AKAP19: variants seen among roughly 807,000 people sequenced by gnomAD.
The protein encoded by AKAP19 is small A-kinase anchoring protein.
At chr2:189,944,614 T>G in the AKAP19 span, among the ~76,000 whole-genome samples, 2 of 152,066 alleles carry the variant, frequency 1.3e-5, no homozygotes, top group Non-Finnish European at 2.9e-5. Context: ...CATTAATAGA[T>G]CTAAAGAGAA....
At chr2:190,172,020 TAAC>T in the AKAP19 span, among the ~76,000 whole-genome samples, 1 of 152,234 alleles carries the variant, frequency 6.6e-6, no homozygotes. Context: ...TTCCTTATCT[TAAC>T]AAATCACCCT....
At chr2:189,983,452 C>T in the AKAP19 span, among the ~76,000 whole-genome samples, 2 of 152,154 alleles carry the variant, frequency 1.3e-5, no homozygotes, top group Non-Finnish European at 2.9e-5. Context: ...GTAGAGCTGG[C>T]ATGAAAAGCA....
the AKAP19 span, chr2:190,181,114 G>A: frequency 1.0e-6 from 1 of 985,540 alleles, no homozygotes; most frequent in Admixed American, 6.1e-5. Flanking sequence ...TGTTGTGTAA[G>A]TGAACATCTG....
chr2:189,895,685 G>A, the AKAP19 span, among the ~76,000 whole-genome samples: 1 of 152,056 alleles, frequency 6.6e-6, no homozygotes, highest in Non-Finnish European at 1.5e-5. Context: ...ATATTGAGGG[G>A]ACTTGAATAT....
At chr2:189,923,211 G>A in the AKAP19 span, 33 of 917,434 alleles carry the variant, frequency 3.6e-5, no homozygotes, top group African/African-American at 3.0e-4. Context: ...TTGCGGCCGC[G>A]TTGCCGACCT....
chr2:190,028,985 A>G, the AKAP19 span, among the ~76,000 whole-genome samples: 1 of 152,158 alleles, frequency 6.6e-6, no homozygotes, highest in Admixed American at 6.5e-5. Context: ...TTCCCATAGT[A>G]CCATAGGTAG....
chr2:189,882,570 T>C, the AKAP19 span, among the ~76,000 whole-genome samples: 7 of 152,314 alleles, frequency 4.6e-5, no homozygotes, highest in South Asian at 2.1e-4. Flanking sequence ...CAGCCTTTCA[T>C]TGAATACACA....
the AKAP19 span, among the ~76,000 whole-genome samples, chr2:190,154,625 G>T: frequency 6.6e-6 from 1 of 152,150 alleles, no homozygotes. Context: ...GAGTTGCATT[G>T]TCTTAGAAGT....
chr2:190,106,748 G>A, the AKAP19 span, among the ~76,000 whole-genome samples: 2 of 151,926 alleles, frequency 1.3e-5, no homozygotes, highest in Non-Finnish European at 2.9e-5. Flanking sequence ...GCTTTTCAGT[G>A]ACTATATTAT....
chr2:190,200,708 C>A, the AKAP19 span: 1 of 169,474 alleles, frequency 5.9e-6, no homozygotes, highest in East Asian at 1.9e-4. Context: ...AGTGTAACTA[C>A]CACCTTGGAC....
At chr2:190,168,719 C>T in the AKAP19 span, among the ~76,000 whole-genome samples, 1 of 152,186 alleles carries the variant, frequency 6.6e-6, no homozygotes, top group Admixed American at 6.5e-5. Flanking sequence ...GGCAAAATGT[C>T]ACCAGTCTCT....
chr2:190,045,801 C>T, the AKAP19 span, among the ~76,000 whole-genome samples: 4 of 152,194 alleles, frequency 2.6e-5, no homozygotes, highest in African/African-American at 9.7e-5. Context: ...GGGGTCTAAA[C>T]TCCCACTTTG....
chr2:189,939,129 G>A, the AKAP19 span, among the ~76,000 whole-genome samples: 1 of 152,184 alleles, frequency 6.6e-6, no homozygotes, highest in South Asian at 2.1e-4. Context: ...ACAAAGCAGG[G>A]AGGTGGGACT....
chr2:189,996,782 G>GTGA, the AKAP19 span, among the ~76,000 whole-genome samples: 2 of 152,166 alleles, frequency 1.3e-5, no homozygotes, highest in Non-Finnish European at 2.9e-5. Context: ...GTCCCACAGG[G>GTGA]TGATCCCTTG....
chr2:189,886,158 G>A, the AKAP19 span, among the ~76,000 whole-genome samples: 1 of 152,106 alleles, frequency 6.6e-6, no homozygotes, highest in African/African-American at 2.4e-5. Context: ...ATGATGCCTT[G>A]GAGATTGGGG....
At chr2:190,067,652 T>G in the AKAP19 span, among the ~76,000 whole-genome samples, 3 of 152,188 alleles carry the variant, frequency 2.0e-5, no homozygotes, top group Non-Finnish European at 2.9e-5. Flanking sequence ...GGATTTCTTG[T>G]AGATGGTCTT....
the AKAP19 span, among the ~76,000 whole-genome samples, chr2:190,195,697 C>T: frequency 6.6e-6 from 1 of 151,936 alleles, no homozygotes; most frequent in African/African-American, 2.4e-5. Context: ...TATTTTCTCC[C>T]AGTCTGTGGC....
chr2:190,082,578 C>T, the AKAP19 span, among the ~76,000 whole-genome samples: 1 of 152,188 alleles, frequency 6.6e-6, no homozygotes, highest in Non-Finnish European at 1.5e-5. Flanking sequence ...AAGGAATATT[C>T]TATGACTGTT....
At chr2:189,984,215 G>T in the AKAP19 span, among the ~76,000 whole-genome samples, 1 of 152,262 alleles carries the variant, frequency 6.6e-6, no homozygotes, top group African/African-American at 2.4e-5. Flanking sequence ...TAATAAGCCT[G>T]GGAGCACTAT....
Sources: gnomAD v4.1 joint callset for allele counts (sites outside exome capture counted in the v4.1 genomes callset) on GRCh38, gnomAD v4.1.1 for gene constraint, MANE v1.5 for transcripts, NCBI Gene and HGNC (gene_info 2026-07-23, HGNC 2026-07-21) for gene names.